The following RGS20 variants were observed in gnomAD, a reference collection of about 807,000 sequenced individuals.
RGS20 encodes gz-selective GTPase-activating protein.
A neutral mutation model predicts 33.6 loss-of-function variants in RGS20; 30 were observed. That is an observed-to-expected ratio of 0.89 (90% CI 0.67 to 1.21). RGS20 has a LOEUF of 1.21. RGS20 is among the 50% of genes most tolerant of loss of function. The pLI is 0.00. For synonymous variants in RGS20, 208 were observed against 197.9 expected, an observed-to-expected ratio of 1.05 and a Z score of -0.43; for missense variants, 472 against 502.4, an observed-to-expected ratio of 0.94 and a Z score of 0.58.
At chr8:53,858,905 A>C (rs1051307250) in intron 1 of RGS20, among the ~76,000 whole-genome samples, 22 of 151,526 alleles carry the variant, frequency 1.5e-4, no homozygotes, top group South Asian at 1.0e-3. Flanking sequence ...AAAAAAAAAA[A>C]AAAAAAACCG....
At chr8:53,923,607 A>T (rs1813710380) in intron 2 of RGS20, among the ~76,000 whole-genome samples, 2 of 151,986 alleles carry the variant, frequency 1.3e-5, no homozygotes, top group South Asian at 4.1e-4. Flanking sequence ...AAAAAAAAAA[A>T]TTTCCAGAGA....
intron 2 of RGS20, among the ~76,000 whole-genome samples, chr8:53,918,320 G>A (rs1813547784): frequency 6.6e-6 from 1 of 151,998 alleles, no homozygotes; most frequent in South Asian, 2.1e-4. Context: ...TCTTATAAAT[G>A]GAATCATACA....
intron 1 of RGS20, among the ~76,000 whole-genome samples, chr8:53,858,585 T>C (rs1282442003): frequency 6.6e-6 from 1 of 152,076 alleles, no homozygotes; most frequent in Non-Finnish European, 1.5e-5. Context: ...TTTTCAGATA[T>C]ACATTGGCTT....
rs1168942004 is a variant in RGS20 at position 53,876,392 on chromosome 8, A to G, written c.166-2866A>G. The G allele has an allele frequency of 2.6e-5, 4 of 152,346 alleles. No homozygotes were observed. The East Asian group carries it at 5.8e-4, about 22-fold the overall frequency. The allele number at this position is 152,346 out of a possible 1,614,324, so 9.4% of individuals were successfully genotyped here. ...GATTGATTAGGGAAGTGGTGGTTCAATCAGAATAAAGTATTCCCCAAGTAT... is the reference window on the plus strand; with the variant it reads ...GATTGATTAGGGAAGTGGTGGTTCAGTCAGAATAAAGTATTCCCCAAGTAT... On this transcript the variant is annotated intron_variant, in intron 1 of 5. Coordinates refer to ENST00000297313, the MANE Select transcript of RGS20 (RefSeq NM_170587.4).
chr8:53,890,588 A>G (rs1812686433), intron 2 of RGS20, among the ~76,000 whole-genome samples: 1 of 152,216 alleles, frequency 6.6e-6, no homozygotes, highest in Non-Finnish European at 1.5e-5. Context: ...TGAAGGGCTG[A>G]TCACTTCAGG....
intron 1 of RGS20, among the ~76,000 whole-genome samples, chr8:53,874,151 G>A (rs1337959096): frequency 1.3e-5 from 2 of 152,062 alleles, no homozygotes; most frequent in Non-Finnish European, 2.9e-5. Flanking sequence ...AGTGAGCCCG[G>A]TGATCCAACA....
At chr8:53,907,702 G>GCTAA (rs142073075) in intron 2 of RGS20, among the ~76,000 whole-genome samples, 2,245 of 152,206 alleles carry the variant, frequency 0.015, 44 homozygotes, top group African/African-American at 0.05. Flanking sequence ...CAGAGGCCAG[G>GCTAA]CTAACAGGCT....
At chr8:53,897,297 C>A (rs1283377360) in intron 2 of RGS20, among the ~76,000 whole-genome samples, 1 of 152,216 alleles carries the variant, frequency 6.6e-6, no homozygotes, top group Non-Finnish European at 1.5e-5. Context: ...GCTGCCCTGG[C>A]AGACTGGACC....
chr8:53,917,623 G>A (rs1383270659), intron 2 of RGS20, among the ~76,000 whole-genome samples: 3 of 152,086 alleles, frequency 2.0e-5, no homozygotes, highest in Non-Finnish European at 2.9e-5. Context: ...AAGAGCACAG[G>A]CCAGGCACAG....
intron 2 of RGS20, among the ~76,000 whole-genome samples, chr8:53,918,248 C>A (rs75927039): frequency 6.6e-6 from 1 of 152,126 alleles, no homozygotes; most frequent in East Asian, 1.9e-4. Context: ...TTCCCCTTAC[C>A]CCATCCCCTG....
chr8:53,938,364 C>A, intron 2 of RGS20, among the ~76,000 whole-genome samples: 1 of 152,144 alleles, frequency 6.6e-6, no homozygotes, highest in East Asian at 1.9e-4. Flanking sequence ...AGAGGAACAT[C>A]ACACACTGGG....
intron 2 of RGS20, chr8:53,881,084 C>A (rs773099434): frequency 7.4e-5 from 114 of 1,535,416 alleles, no homozygotes; most frequent in Non-Finnish European, 9.4e-5. Context: ...ACGGTGGGCT[C>A]GTGAGTATCC....
intron 2 of RGS20, among the ~76,000 whole-genome samples, chr8:53,908,644 A>C (rs1399897325): frequency 4.0e-5 from 6 of 151,552 alleles, no homozygotes; most frequent in Non-Finnish European, 8.8e-5. Context: ...CCATCTCAAA[A>C]AAAAAAAAAT....
At chr8:53,862,497 T>C (rs1385788933) in intron 1 of RGS20, among the ~76,000 whole-genome samples, 1 of 152,160 alleles carries the variant, frequency 6.6e-6, no homozygotes, top group African/African-American at 2.4e-5. Context: ...CTTGGTTCTG[T>C]CTTCACTTCA....
intron 3 of RGS20, among the ~76,000 whole-genome samples, chr8:53,940,546 A>T (rs555606998): frequency 6.6e-4 from 100 of 152,332 alleles, no homozygotes; most frequent in African/African-American, 2.1e-3. Flanking sequence ...CGAACCGTGA[A>T]ATGGAACTAA....
rs1482513161 is a variant in RGS20, at chr8:53,939,776, T to G, written c.659+52T>G. On this transcript the variant is annotated intron_variant, in intron 3 of 5. Coordinates refer to ENST00000297313, the MANE Select transcript of RGS20 (RefSeq NM_170587.4). ...GTGCTCCTGACTGGGAAGTGTAATG[T>G]GCTCCTGACTGGGACGTGGCACCCC... is the stretch of plus-strand genomic sequence containing the variant. 2.7e-6 allele frequency: 4 copies of G among 1,499,130 alleles called. No homozygotes were observed. In the East Asian group the frequency reaches 7.6e-5, roughly 28 times the overall value. The allele number at this position is 1,499,130 out of a possible 1,614,324, so 92.9% of individuals were successfully genotyped here. A position where few individuals can be genotyped will look rare whatever the true frequency, so the allele number is the denominator to read the frequency against.
chr8:53,916,882 C>T (rs1217523649), intron 2 of RGS20, among the ~76,000 whole-genome samples: 3 of 152,100 alleles, frequency 2.0e-5, no homozygotes, highest in African/African-American at 4.8e-5. Flanking sequence ...GTCTTCTCAC[C>T]GCACCCTCAC....
chr8:53,909,207 GTGTATATATATA>G (rs57189944), intron 2 of RGS20, among the ~76,000 whole-genome samples: 1,157 of 83,124 alleles, frequency 0.014, 67 homozygotes, highest in East Asian at 0.096. Flanking sequence ...TATGGTATGT[GTGTATATATATA>G]TATATATATA....
intron 2 of RGS20, among the ~76,000 whole-genome samples, chr8:53,881,318 A>G (rs1812376257): frequency 6.6e-6 from 1 of 150,936 alleles, no homozygotes; most frequent in South Asian, 2.1e-4. Context: ...CGCCACCAGG[A>G]TCAATATGTC....
Sources: allele counts gnomAD v4.1 joint callset (sites outside exome capture counted in the v4.1 genomes callset), GRCh38; gene constraint gnomAD v4.1.1; transcripts MANE v1.5; gene names NCBI Gene and HGNC (gene_info 2026-07-23, HGNC 2026-07-21).